Variants in PTPRK observed in about 807,000 individuals in gnomAD.
PTPRK encodes receptor-type tyrosine-protein phosphatase kappa.
PTPRK carries 75 observed loss-of-function variants against 178.0 expected under a neutral mutation model. The observed-to-expected ratio is 0.42, with a 90% CI of 0.35 to 0.51. The LOEUF is 0.51. Among genes scored for constraint, PTPRK ranks in the 20% least tolerant of loss-of-function variants. PTPRK has a pLI of 0.02. For synonymous variants in PTPRK, 637 were observed against 620.6 expected (o/e 1.03, Z -0.39); for missense variants, 1,441 against 1,797.8 (o/e 0.80, Z 3.59).
intron 13 of PTPRK, among the ~76,000 whole-genome samples, chr6:128,024,575 G>A (rs1347415058): frequency 1.3e-5 from 2 of 152,118 alleles, no homozygotes; most frequent in African/African-American, 4.8e-5. Context: ...TTGAGAGGCT[G>A]AGGCAGGCAG....
chr6:127,973,135 T>TGCCACTTCGCCCGCC lies in PTPRK; in HGVS notation c.4141_4155dup (p.Gly1381_Gly1385dup). On this transcript the variant is annotated inframe_insertion, in exon 29 of 30. Coordinates refer to ENST00000368226, the MANE Select transcript of PTPRK (RefSeq NM_002844.4). Reference sequence around the variant, plus strand: ...ACAACGATGCCTATAGCACAGAACATGCCACTTCGCCCGCCACCATTTCTG... The same window carrying TGCCACTTCGCCCGCC: ...ACAACGATGCCTATAGCACAGAACATGCCACTTCGCCCGCCGCCACTTCGCCCGCCACCATTTCTG... 1 of 1,613,082 alleles carries TGCCACTTCGCCCGCC rather than the reference T, an allele frequency of 6.2e-7. No homozygotes were observed.
intron 1 of PTPRK, among the ~76,000 whole-genome samples, chr6:128,479,204 C>A (rs930745809): frequency 7.2e-5 from 11 of 152,044 alleles, no homozygotes; most frequent in African/African-American, 2.4e-4. Flanking sequence ...ACTTCCCCAG[C>A]ATCAATAAAA....
chr6:128,293,017 TG>T, intron 3 of PTPRK, among the ~76,000 whole-genome samples: 1 of 152,024 alleles, frequency 6.6e-6, no homozygotes, highest in Non-Finnish European at 1.5e-5. Flanking sequence ...GTATTAGCTT[TG>T]TGACCCTGGT....
At chr6:128,169,376 TA>T (rs1300117586) in intron 7 of PTPRK, among the ~76,000 whole-genome samples, 1 of 151,920 alleles carries the variant, frequency 6.6e-6, no homozygotes, top group Non-Finnish European at 1.5e-5. Flanking sequence ...AACCTATTTT[TA>T]AAAGAAAAAA....
intron 1 of PTPRK, among the ~76,000 whole-genome samples, chr6:128,446,283 C>T (rs898855030): frequency 1.3e-5 from 2 of 152,074 alleles, no homozygotes; most frequent in African/African-American, 4.8e-5. Context: ...TAATAGAAGC[C>T]ACGGGGGAAG....
chr6:128,154,370 G>T (rs1797689167), intron 7 of PTPRK, among the ~76,000 whole-genome samples: 1 of 151,684 alleles, frequency 6.6e-6, no homozygotes, highest in Admixed American at 6.6e-5. Context: ...ATTGGTGTCA[G>T]CCATTAGTAT....
intron 7 of PTPRK, among the ~76,000 whole-genome samples, chr6:128,159,021 A>G (rs544504962): frequency 6.6e-6 from 1 of 151,836 alleles, no homozygotes; most frequent in African/African-American, 2.4e-5. Flanking sequence ...TAATTAATTG[A>G]CTATATTGAA....
intron 1 of PTPRK, among the ~76,000 whole-genome samples, chr6:128,433,026 C>T (rs1056704732): frequency 6.6e-6 from 1 of 151,918 alleles, no homozygotes; most frequent in African/African-American, 2.4e-5. Context: ...TTATGTGGTA[C>T]ATGTGATATT....
chr6:128,452,056 G>T (rs1847860627), intron 1 of PTPRK, among the ~76,000 whole-genome samples: 1 of 152,128 alleles, frequency 6.6e-6, no homozygotes, highest in Non-Finnish European at 1.5e-5. Flanking sequence ...TTTGTAAAAA[G>T]ATATGCTAGT....
In PTPRK at chr6:128,369,877, G is replaced by T. The variant is rs897658933; in HGVS notation, c.223+27689C>A. 2.6e-5 allele frequency among the ~76,000 whole-genome samples: 4 copies of T among 152,062 alleles called. No individual in the cohort carries two copies. In the East Asian group the frequency reaches 5.8e-4, roughly 22 times the overall value. On this transcript the variant is annotated intron_variant, in intron 2 of 29. Transcript: ENST00000368226. ...GGTAAGAGGATAGTAGCAAACAGAA[G>T]TTCCTTTCTTCTAAAGCAGACAGTC...
At position 128,273,816 on chromosome 6, in the gene PTPRK, A is replaced by C. The variant is rs557343430; in HGVS notation, c.496-31214T>G. Among the ~76,000 whole-genome samples the C allele has an allele frequency of 2.4e-4, 37 of 152,314 alleles. 1 individual carries two copies. In the South Asian group the frequency reaches 6.6e-3, roughly 27 times the overall value. ...TCGCAATTTATCACTGTAATGTCTC[A>C]AAAGCACCTGAATAGTATGAATTTT... On this transcript the variant is annotated intron_variant, in intron 3 of 29. Transcript: ENST00000368226.
intron 1 of PTPRK, among the ~76,000 whole-genome samples, chr6:128,455,218 A>C (rs1848253067): frequency 6.6e-6 from 1 of 152,128 alleles, no homozygotes; most frequent in Non-Finnish European, 1.5e-5. Flanking sequence ...TAAATTAGCA[A>C]GTTTTTACTG....
At position 127,995,109 on chromosome 6, in the gene PTPRK, C is replaced by T. The variant is rs189331046; in HGVS notation, c.2844+353G>A. ...CGCATGTGAAAGAATTACAAAAAAA[C>T]GAACAGAGATATATTGTATGAAGCT... On this transcript the variant is annotated intron_variant, in intron 18 of 29. Coordinates refer to ENST00000368226, the MANE Select transcript of PTPRK (RefSeq NM_002844.4). 2.5e-4 allele frequency: 196 copies of T among 795,412 alleles called. 1 individual carries two copies. Among genetic ancestry groups the T allele is most frequent in the African/African-American group, 2.4e-3 (135 of 56,758 alleles). 49.3% of individuals were successfully genotyped at this position (795,412 alleles called of 1,614,324 possible).
chr6:128,461,896 C>T (rs1457937212), intron 1 of PTPRK, among the ~76,000 whole-genome samples: 1 of 152,170 alleles, frequency 6.6e-6, no homozygotes, highest in Non-Finnish European at 1.5e-5. Context: ...TTTGTGATTG[C>T]ATTTATCAGT....
intron 1 of PTPRK, among the ~76,000 whole-genome samples, chr6:128,433,223 G>T (rs1845064510): frequency 6.6e-6 from 1 of 152,020 alleles, no homozygotes; most frequent in Non-Finnish European, 1.5e-5. Flanking sequence ...CTATCTAACT[G>T]TATGTTTGTA....
chr6:128,102,162 T>A (rs1788900687), intron 7 of PTPRK, among the ~76,000 whole-genome samples: 1 of 152,206 alleles, frequency 6.6e-6, no homozygotes, highest in South Asian at 2.1e-4. Flanking sequence ...ATTTTAAAAA[T>A]ATAGAATAAA....
At chr6:128,300,252 G>A (rs1333913498) in intron 3 of PTPRK, among the ~76,000 whole-genome samples, 6 of 152,042 alleles carry the variant, frequency 3.9e-5, no homozygotes, top group Non-Finnish European at 7.4e-5. Flanking sequence ...GGAGAAGTAC[G>A]AACACTTTTA....
intron 7 of PTPRK, among the ~76,000 whole-genome samples, chr6:128,164,159 A>T (rs1799069693): frequency 6.6e-6 from 1 of 151,488 alleles, no homozygotes; most frequent in Non-Finnish European, 1.5e-5. Context: ...TTACATAGCA[A>T]CTATTGTGTT....
Position 128,009,222 on chromosome 6 carries a change from C to T in PTPRK, c.2241G>A (p.Gln747=). 1.2e-6 allele frequency: 2 copies of T among 1,609,022 alleles called. No homozygotes were observed. Among genetic ancestry groups the T allele is most frequent in the African/African-American group, 1.3e-5 (1 of 74,372 alleles). The change falls in exon 14 of 30, where the codon CAG becomes CAA. Residue 747 remains glutamine, a synonymous_variant. Transcript: ENST00000368226. ...CTGCTATTTTCACCACTCTGTCTGT[C>T]TGCTTGGCGGGATCTGGGATCACTT... is the stretch of plus-strand genomic sequence containing the variant. ...EPEVIPDPAK[Q]TDRVVKIAGI...
Sources: gnomAD v4.1 joint callset for allele counts (sites outside exome capture counted in the v4.1 genomes callset) on GRCh38, gnomAD v4.1.1 for gene constraint, MANE v1.5 for transcripts, NCBI Gene and HGNC (gene_info 2026-07-23, HGNC 2026-07-21) for gene names.